ZFHX4: variants seen among roughly 807,000 people sequenced by gnomAD.
The protein encoded by ZFHX4 is zinc finger homeobox 4.
Under a neutral mutation model 267.6 loss-of-function variants are expected in ZFHX4, and 56 were observed. That is an observed-to-expected ratio of 0.21 (90% CI 0.17 to 0.26). ZFHX4 has a LOEUF of 0.26. ZFHX4 is among the 10% of genes least tolerant of loss of function. The pLI is 1.00. For synonymous variants in ZFHX4, 1,778 were observed against 1,665.6 expected, an observed-to-expected ratio of 1.07 and a Z score of -1.64; for missense variants, 4,332 against 4,420.0, an observed-to-expected ratio of 0.98 and a Z score of 0.56.
chr8:76,786,986 G>T (rs1810708517), intron 4 of ZFHX4, among the ~76,000 whole-genome samples: 1 of 152,120 alleles, frequency 6.6e-6, no homozygotes, highest in Non-Finnish European at 1.5e-5. Flanking sequence ...CCATAGGGGG[G>T]TAGTCAAATT....
chr8:76,854,865 C>T lies in ZFHX4; in HGVS notation c.7944C>T (p.Val2648=), dbSNP rs779856559. 4 of 1,610,348 alleles carry T rather than the reference C, an allele frequency of 2.5e-6. No individual in the cohort carries two copies. Among genetic ancestry groups the T allele is most frequent in the South Asian group, 1.1e-5 (1 of 90,294 alleles). ...GCGAAGTCGGGCTGAAAAAAAGGGT[C>T]GTGCAAGTCTGGTTCCAGAATACAC... ...IAREVGLKKR[V]VQVWFQNTRA... The change falls in exon 10 of 11, where the codon GTC becomes GTT. Residue 2648 remains valine (V), a synonymous_variant. Coordinates refer to ENST00000651372, the MANE Select transcript of ZFHX4 (RefSeq NM_024721.5).
Position 76,851,179 on chromosome 8 carries a change from G to A in ZFHX4, c.4258G>A (p.Ala1420Thr). 1 of 1,613,924 alleles carries A rather than the reference G, an allele frequency of 6.2e-7. No individual in the cohort carries two copies. The highest frequency in any genetic ancestry group is 8.5e-7 in the Non-Finnish European group (1 of 1,179,872). ...QKLQIHSQYH[A>T]IRAATMCNLC... The stretch of plus-strand genomic sequence containing the variant: ...GCTTCAGATACATTCCCAGTATCAT[G>A]CAATTCGGGCTGCGACAATGTGTAA... Residue 1420 changes from alanine to threonine, a missense_variant, in exon 10 of 11, where the codon GCA (alanine) becomes ACA (threonine). This residue lies in a region of ZFHX4 where 1,371 missense variants were observed against 1,423.1 expected (regional missense o/e 0.96). Transcript: ENST00000651372.
intron 3 of ZFHX4, among the ~76,000 whole-genome samples, chr8:76,731,318 G>A (rs1467598000): frequency 1.3e-5 from 2 of 152,160 alleles, no homozygotes; most frequent in African/African-American, 4.8e-5. Flanking sequence ...AGTTAGTAGG[G>A]CAAAACAGGA....
At chr8:76,790,124 T>C (rs1439340280) in intron 4 of ZFHX4, among the ~76,000 whole-genome samples, 1 of 152,180 alleles carries the variant, frequency 6.6e-6, no homozygotes, top group African/African-American at 2.4e-5. Flanking sequence ...GTTTTAGAAA[T>C]TGTTTATGTA....
chr8:76,854,281 A>G lies in ZFHX4; in HGVS notation c.7360A>G (p.Lys2454Glu), dbSNP rs1563563328. Residue 2454 changes from lysine (K) to glutamate (E), a missense_variant, in exon 10 of 11, where the codon AAA becomes GAA. Lys to Glu is a moderately conservative substitution (Grantham distance 56). Around this residue, in one of 7 missense-constraint regions of ZFHX4, gnomAD observed 1,648 missense variants for 1,625.0 expected, o/e 1.01. Coordinates refer to ENST00000651372, the MANE Select transcript of ZFHX4 (RefSeq NM_024721.5). ...GCCACAGCCACAGCCACAGCCACCA[A>G]AACAACCCCAACTTATCGGAAGACC... Reference protein sequence around the residue: ...AQPQPQPQPPKQPQLIGRPPS... With the variant: ...AQPQPQPQPPEQPQLIGRPPS... The G allele has an allele frequency of 6.3e-7, 1 of 1,596,106 alleles. No homozygotes were observed.
At chr8:76,830,067 G>T (rs561750874) in intron 4 of ZFHX4, among the ~76,000 whole-genome samples, 2 of 152,058 alleles carry the variant, frequency 1.3e-5, no homozygotes, top group African/African-American at 2.4e-5. Flanking sequence ...AAACTGTGTG[G>T]GTTCAAATCC....
In ZFHX4 at chr8:76,863,487, T is replaced by C. The variant is rs375210651; in HGVS notation, c.9773T>C (p.Ile3258Thr). Residue 3258 changes from isoleucine (I) to threonine (T), a missense_variant, in exon 11 of 11, where the codon ATA (isoleucine) becomes ACA (threonine). Physicochemically the swap from Ile to Thr is moderately conservative, Grantham distance 89 (BLOSUM62 -1). This residue lies in a region of ZFHX4 where 1,648 missense variants were observed against 1,625.0 expected (regional missense o/e 1.01). Coordinates refer to ENST00000651372, the MANE Select transcript of ZFHX4 (RefSeq NM_024721.5). ...ATTGCTGGTGACCCAGCTTCCTTTATAGGCGGACAGTTCTTGCCATACTTT... is the reference window on the plus strand; with the variant it reads ...ATTGCTGGTGACCCAGCTTCCTTTACAGGCGGACAGTTCTTGCCATACTTT... The part of the protein sequence containing the change: ...NAIAGDPASF[I>T]GGQFLPYFIP... The C allele has an allele frequency of 3.7e-5, 60 of 1,613,586 alleles. No homozygotes were observed. Among genetic ancestry groups the C allele is most frequent in the Non-Finnish European group, 4.3e-5 (51 of 1,179,788 alleles).
At chr8:76,839,594 TCTA>T (rs1200734087) in intron 5 of ZFHX4, among the ~76,000 whole-genome samples, 1 of 152,218 alleles carries the variant, frequency 6.6e-6, no homozygotes, top group East Asian at 1.9e-4. Flanking sequence ...CATGTATACT[TCTA>T]CTGAATACAA....
At position 76,853,052 on chromosome 8, in the gene ZFHX4, C is replaced by G. The variant is rs1563561251; in HGVS notation, c.6131C>G (p.Pro2044Arg). ...CAAGCTCCACCACCCACTCCTCCCC[C>G]ACCACCACCACCTCCTCCTCCTCCT... is the stretch of plus-strand genomic sequence containing the variant. ...PLQAPPPTPP[P>R]PPPPPPPPPP... The change falls in exon 10 of 11, where the codon CCA (proline) becomes CGA (arginine). Residue 2044 changes from proline (P) to arginine (R), a missense_variant. Around this residue, in one of 7 missense-constraint regions of ZFHX4, gnomAD observed 1,371 missense variants for 1,423.1 expected, o/e 0.96. Transcript: ENST00000651372. 1 of 1,035,868 alleles carries G rather than the reference C, an allele frequency of 9.7e-7. No homozygotes were observed. Among genetic ancestry groups the G allele is most frequent in the Non-Finnish European group, 1.4e-6 (1 of 705,908 alleles). The allele number at this position is 1,035,868 out of a possible 1,614,324, so 64.2% of individuals were successfully genotyped here.
chr8:76,776,069 G>C (rs1202406034), intron 3 of ZFHX4, among the ~76,000 whole-genome samples: 1 of 151,860 alleles, frequency 6.6e-6, no homozygotes, highest in Non-Finnish European at 1.5e-5. Context: ...AATAGCCCTT[G>C]CTCCTTTTAT....
chr8:76,815,881 A>G lies in ZFHX4; in HGVS notation c.3326-17457A>G, dbSNP rs192414548. Among the ~76,000 whole-genome samples the G allele has an allele frequency of 2.5e-3, 378 of 152,336 alleles. 1 individual carries two copies. Among genetic ancestry groups the G allele is most frequent in the Admixed American group, 4.4e-3 (68 of 15,306 alleles). ...ACCTTGGGGGCTAGGATTTCAACAT[A>G]TGAATTTAGGGGCAGACATAAACAT... On this transcript the variant is annotated intron_variant, in intron 4 of 10. Transcript: ENST00000651372.
chr8:76,739,649 G>T (rs1043485773), intron 3 of ZFHX4, among the ~76,000 whole-genome samples: 1 of 152,090 alleles, frequency 6.6e-6, no homozygotes, highest in Non-Finnish European at 1.5e-5. Flanking sequence ...GGGGTAAGCA[G>T]GGAGGGATAA....
intron 3 of ZFHX4, among the ~76,000 whole-genome samples, chr8:76,776,730 C>T (rs946457730): frequency 6.6e-5 from 10 of 152,132 alleles, no homozygotes; most frequent in African/African-American, 1.9e-4. Context: ...TGATCAGAAA[C>T]GTAACCTTTT....
intron 3 of ZFHX4, among the ~76,000 whole-genome samples, chr8:76,724,612 G>T (rs547038553): frequency 6.6e-6 from 1 of 152,112 alleles, no homozygotes; most frequent in African/African-American, 2.4e-5. Flanking sequence ...GTTGGGCCAA[G>T]AAATCATATT....
intron 4 of ZFHX4, among the ~76,000 whole-genome samples, chr8:76,829,871 A>G (rs1390597907): frequency 6.6e-6 from 1 of 152,088 alleles, no homozygotes; most frequent in Non-Finnish European, 1.5e-5. Flanking sequence ...TGTAGATGTA[A>G]CCATTTGGGT....
intron 4 of ZFHX4, among the ~76,000 whole-genome samples, chr8:76,780,531 T>C (rs1181384673): frequency 6.6e-6 from 1 of 152,202 alleles, no homozygotes; most frequent in Non-Finnish European, 1.5e-5. Flanking sequence ...TAGCAGTTTT[T>C]ATTCATTAGA....
chr8:76,711,082 G>A (rs1183773705), intron 3 of ZFHX4, among the ~76,000 whole-genome samples: 4 of 152,066 alleles, frequency 2.6e-5, no homozygotes, highest in Non-Finnish European at 5.9e-5. Flanking sequence ...AGAACCCAGA[G>A]GCAGAATGTG....
intron 10 of ZFHX4, among the ~76,000 whole-genome samples, chr8:76,861,150 T>C (rs1812856156): frequency 6.6e-6 from 1 of 152,192 alleles, no homozygotes; most frequent in South Asian, 2.1e-4. Context: ...AAATTTATTT[T>C]TAATGTGTGA....
intron 2 of ZFHX4, among the ~76,000 whole-genome samples, chr8:76,707,124 A>G (rs895112183): frequency 2.0e-5 from 3 of 152,250 alleles, no homozygotes; most frequent in Non-Finnish European, 4.4e-5. Context: ...TAACAATAAT[A>G]CCATTACCTT....
Sources: gnomAD v4.1 joint callset for allele counts (sites outside exome capture counted in the v4.1 genomes callset) on GRCh38, gnomAD v4.1.1 for gene constraint, gnomAD v4.1.1 regional missense constraint, MANE v1.5 for transcripts, NCBI Gene and HGNC (gene_info 2026-07-23, HGNC 2026-07-21) for gene names.